Variants in SAMD4A observed in about 807,000 individuals in gnomAD.
The protein encoded by SAMD4A is sterile alpha motif domain containing 4A.
A neutral mutation model predicts 81.3 loss-of-function variants in SAMD4A; 33 were observed. That is an observed-to-expected ratio of 0.41 (90% CI 0.31 to 0.54). SAMD4A has a LOEUF of 0.54. Ranked by LOEUF, SAMD4A falls within the 20% of genes least tolerant of loss-of-function variation. The pLI, the probability that SAMD4A is intolerant of heterozygous loss-of-function variation, is 0.37. For synonymous variants in SAMD4A, 389 were observed against 382.1 expected (o/e 1.02, Z -0.21); for missense variants, 854 against 951.1 (o/e 0.90, Z 1.34).
chr14:54,751,408 T>C (rs1336093309), intron 5 of SAMD4A, 43 bp from the exon 6 acceptor site: 1 of 1,259,074 alleles, frequency 7.9e-7, no homozygotes, highest in East Asian at 2.3e-5. Flanking sequence ...TAAAAATATG[T>C]TTTTAAATAT....
At chr14:54,780,808 G>A (rs2038980957) in intron 11 of SAMD4A, among the ~76,000 whole-genome samples, 1 of 152,020 alleles carries the variant, frequency 6.6e-6, no homozygotes, top group South Asian at 2.1e-4. Context: ...ATGTTAGGAG[G>A]CCACCAGAGA....
At chr14:54,663,233 G>A (rs1390840211) in intron 2 of SAMD4A, among the ~76,000 whole-genome samples, 2 of 152,174 alleles carry the variant, frequency 1.3e-5, no homozygotes, top group African/African-American at 2.4e-5. Flanking sequence ...AGATGCAAAT[G>A]TTTCAAGGTG....
intron 11 of SAMD4A, among the ~76,000 whole-genome samples, chr14:54,779,210 G>A (rs916791110): frequency 2.0e-5 from 3 of 152,292 alleles, no homozygotes; most frequent in African/African-American, 2.4e-5. Flanking sequence ...GTGGCCAGGC[G>A]TTAAAACTAG....
chr14:54,613,878 T>G (rs2034426810), intron 2 of SAMD4A, among the ~76,000 whole-genome samples: 1 of 152,206 alleles, frequency 6.6e-6, no homozygotes, highest in African/African-American at 2.4e-5. Context: ...TTTGCTCTTT[T>G]TTGCTCGTGT....
chr14:54,637,375 AAAAAAAAAAAAAG>A (rs1464100569), intron 2 of SAMD4A, among the ~76,000 whole-genome samples: 6 of 150,348 alleles, frequency 4.0e-5, no homozygotes, highest in African/African-American at 1.5e-4. Context: ...CAAAAAAAAA[AAAAAAAAAAAAAG>A]AGGCAAGAAG....
In SAMD4A at chr14:54,775,115, A is replaced by G. The variant is rs1191185579; in HGVS notation, c.1897A>G (p.Ile633Val). 1 of 1,614,044 alleles carries G rather than the reference A, an allele frequency of 6.2e-7. No homozygotes were observed. The highest frequency in any genetic ancestry group is 1.3e-5 in the African/African-American group (1 of 74,928). Reference sequence around the variant, plus strand: ...GCGCAACACCACAGCTACCCCCACCATCATGAAACAAGGAAGACAGGTTTG... The same window carrying G: ...GCGCAACACCACAGCTACCCCCACCGTCATGAAACAAGGAAGACAGGTTTG... ...NQRNTTATPT[I>V]MKQGRQNLWF... is the part of the protein sequence containing the mutation. Residue 633 changes from isoleucine (I) to valine (V), a missense_variant, in exon 10 of 13, where the codon ATC (isoleucine) becomes GTC (valine). By Grantham distance (29) the Ile-to-Val change is conservative. Around this residue, in one of 3 missense-constraint regions of SAMD4A, gnomAD observed 428 missense variants for 471.2 expected, o/e 0.91. Transcript: ENST00000554335.
At chr14:54,750,360 CTTCT>C (rs1211269683) in intron 5 of SAMD4A, among the ~76,000 whole-genome samples, 3 of 152,030 alleles carry the variant, frequency 2.0e-5, no homozygotes, top group Non-Finnish European at 4.4e-5. Context: ...CTATCTTTTC[CTTCT>C]TTAAGAAGAA....
intron 2 of SAMD4A, among the ~76,000 whole-genome samples, chr14:54,673,360 C>T (rs2035926053): frequency 6.6e-6 from 1 of 152,196 alleles, no homozygotes; most frequent in Non-Finnish European, 1.5e-5. Context: ...TGGCTCCTAC[C>T]TTGCACCAAA....
At chr14:54,675,891 T>C (rs1169748084) in intron 2 of SAMD4A, among the ~76,000 whole-genome samples, 1 of 152,162 alleles carries the variant, frequency 6.6e-6, no homozygotes, top group Non-Finnish European at 1.5e-5. Context: ...CTCGTGAGGT[T>C]TGGAAAACTC....
chr14:54,578,733 A>G (rs2033380949), intron 2 of SAMD4A, among the ~76,000 whole-genome samples: 1 of 152,074 alleles, frequency 6.6e-6, no homozygotes, highest in Admixed American at 6.5e-5. Context: ...AAATAAAAAT[A>G]AAAGTCTTCT....
At chr14:54,754,003 A>G (rs1389838900) in intron 6 of SAMD4A, among the ~76,000 whole-genome samples, 2 of 152,234 alleles carry the variant, frequency 1.3e-5, no homozygotes, top group African/African-American at 4.8e-5. Context: ...TTCATTGCTA[A>G]GTGTTATGGT....
intron 2 of SAMD4A, among the ~76,000 whole-genome samples, chr14:54,608,931 G>A (rs2034286886): frequency 6.6e-6 from 1 of 152,184 alleles, no homozygotes; most frequent in Non-Finnish European, 1.5e-5. Flanking sequence ...TGATGTTAAA[G>A]TCACTTAACA....
At chr14:54,744,028 G>A (rs1057099428) in intron 4 of SAMD4A, among the ~76,000 whole-genome samples, 3 of 152,178 alleles carry the variant, frequency 2.0e-5, no homozygotes, top group East Asian at 1.9e-4. Flanking sequence ...GAGATCAAGG[G>A]TGCAGTCATA....
At chr14:54,655,940 A>G (rs189686371) in intron 2 of SAMD4A, among the ~76,000 whole-genome samples, 3 of 152,224 alleles carry the variant, frequency 2.0e-5, no homozygotes, top group Admixed American at 2.0e-4. Context: ...TTTGGTGAGG[A>G]ACAAACATAG....
intron 11 of SAMD4A, among the ~76,000 whole-genome samples, chr14:54,779,808 C>A (rs1194817753): frequency 1.3e-5 from 2 of 152,046 alleles, no homozygotes; most frequent in African/African-American, 4.8e-5. Context: ...TGGGACCAGC[C>A]AGGAGACCCT....
chr14:54,670,616 T>C (rs1410081527), intron 2 of SAMD4A, among the ~76,000 whole-genome samples: 1 of 152,234 alleles, frequency 6.6e-6, no homozygotes, highest in East Asian at 1.9e-4. Context: ...GCTTGTAGGC[T>C]TATTGAAAGA....
intron 2 of SAMD4A, among the ~76,000 whole-genome samples, chr14:54,670,417 C>A (rs1379534492): frequency 1.3e-5 from 2 of 152,202 alleles, no homozygotes; most frequent in African/African-American, 2.4e-5. Context: ...TTAACTCTTA[C>A]AGAAAGCGAA....
intron 12 of SAMD4A, 114 bp from the exon 13 acceptor site, chr14:54,788,802 C>A: frequency 8.0e-7 from 1 of 1,248,050 alleles, no homozygotes; most frequent in Non-Finnish European, 1.2e-6. Context: ...AACGTAGGTG[C>A]CCTTCTCTGC....
intron 10 of SAMD4A, among the ~76,000 whole-genome samples, chr14:54,775,686 G>A (rs1001556662): frequency 1.3e-5 from 2 of 152,036 alleles, no homozygotes; most frequent in African/African-American, 2.4e-5. Flanking sequence ...CCTGCCCAGT[G>A]CCTTCCGCCT....
Sources: allele counts gnomAD v4.1 joint callset (sites outside exome capture counted in the v4.1 genomes callset), GRCh38; gene constraint gnomAD v4.1.1; regional missense constraint gnomAD v4.1.1; transcripts MANE v1.5; gene names NCBI Gene and HGNC (gene_info 2026-07-23, HGNC 2026-07-21).